Variants in FAM186A observed in about 807,000 individuals in gnomAD.
The protein encoded by FAM186A is protein FAM186A.
Under a neutral mutation model 216.8 loss-of-function variants are expected in FAM186A, and 163 were observed. That is an observed-to-expected ratio of 0.75 (90% CI 0.66 to 0.86). FAM186A has a LOEUF of 0.86. FAM186A is among the 40% of genes least tolerant of loss of function. The pLI is 0.00. For missense variants in FAM186A, 2,184 were observed against 2,746.2 expected (o/e 0.80, Z 4.58); for synonymous variants, 805 against 1,025.3 (o/e 0.79, Z 4.10).
chr12:50,396,314 T>A lies in FAM186A; in HGVS notation c.171A>T (p.Ala57=), dbSNP rs959138648. Residue 57 remains alanine, a synonymous_variant, in exon 1 of 8, where the codon GCA becomes GCT. Transcript: ENST00000327337. ...CTACCTCTCTGGCTCGATGGAGCTG[T>A]GCGCGCTCAATCCTAGAGATGATAT... is the stretch of plus-strand genomic sequence containing the variant. ...VKDIISRIER[A]QLHRAREDID... The A allele has an allele frequency of 6.5e-7, 1 of 1,550,232 alleles. No homozygotes were observed. The highest frequency in any genetic ancestry group is 8.7e-7 in the Non-Finnish European group (1 of 1,146,634).
intron 3 of FAM186A, 73 bp downstream of exon 3, chr12:50,360,683 A>AG (rs1943023922): frequency 2.2e-6 from 3 of 1,383,366 alleles, no homozygotes; most frequent in Non-Finnish European, 2.9e-6. Flanking sequence ...AGACTGAAAA[A>AG]AAAAAAAGTT....
chr12:50,360,800 C>A lies in FAM186A; in HGVS notation c.539G>T (p.Ser180Ile). 1 of 1,546,152 alleles carries A rather than the reference C, an allele frequency of 6.5e-7. No homozygotes were observed. The highest frequency in any genetic ancestry group is 8.7e-7 in the Non-Finnish European group (1 of 1,145,320). Residue 180 changes from serine (S) to isoleucine (I), a missense_variant, in exon 3 of 8, where the codon AGT (serine) becomes ATT (isoleucine). Transcript: ENST00000327337. ...ENNVKILSRF[S>I]TSFLDEKKKQ... ...CTTCTTTTCGTCGAGGAAAGATGTA[C>A]TAAATCTGCTTAGTATCTTGACATT... is the stretch of plus-strand genomic sequence containing the variant.
intron 1 of FAM186A, among the ~76,000 whole-genome samples, chr12:50,374,297 A>G (rs1943177200): frequency 6.6e-6 from 1 of 152,052 alleles, no homozygotes; most frequent in Non-Finnish European, 1.5e-5. Flanking sequence ...AACTTAAAGT[A>G]TAATAATAAT....
intron 4 of FAM186A, among the ~76,000 whole-genome samples, chr12:50,348,860 TTTTG>T (rs1303837832): frequency 5.9e-5 from 9 of 152,274 alleles, no homozygotes; most frequent in Middle Eastern, 3.4e-3. Context: ...GTGGCCATTT[TTTTG>T]TTTGTTTTTC....
At chr12:50,375,435 G>T (rs951644871) in intron 1 of FAM186A, among the ~76,000 whole-genome samples, 1 of 151,168 alleles carries the variant, frequency 6.6e-6, no homozygotes, top group Middle Eastern at 3.2e-3. Context: ...TATAATCCCA[G>T]CTACTTAGGA....
At chr12:50,327,449 A>G in intron 7 of FAM186A, 45 bp from the exon 8 acceptor site, 1 of 1,489,786 alleles carries the variant, frequency 6.7e-7, no homozygotes, top group Non-Finnish European at 9.1e-7. Flanking sequence ...AATTGCTTTA[A>G]ACACATTTGT....
chr12:50,355,296 A>G lies in FAM186A; in HGVS notation c.1536T>C (p.Asp512=), dbSNP rs1942962178. ...KRKEMKSFSE[D]KSKSPTEAKR... ...TTGCTTCAGTGGGTGACTTTGATTT[A>G]TCTTCAGAAAAGGATTTCATTTCTT... The change falls in exon 4 of 8, where the codon GAT becomes GAC. Residue 512 remains aspartate (D), a synonymous_variant. Transcript: ENST00000327337. The G allele has an allele frequency of 6.4e-7, 1 of 1,550,942 alleles. No homozygotes were observed.
In FAM186A at chr12:50,391,491, T is replaced by A. The variant is rs534857388; in HGVS notation, c.192+4802A>T. Among the ~76,000 whole-genome samples, 6 of 151,278 alleles carry A rather than the reference T, an allele frequency of 4.0e-5. No individual in the cohort carries two copies. In the South Asian group the frequency reaches 8.4e-4, roughly 21 times the overall value. The stretch of plus-strand genomic sequence containing the variant: ...CCACCATGCCCGGCTAATTTTTGTG[T>A]TTTTAGTAGATATGGGGTTTTACCA... On this transcript the variant is annotated intron_variant, in intron 1 of 7. Coordinates refer to ENST00000327337, the MANE Select transcript of FAM186A (RefSeq NM_001145475.3).
chr12:50,333,222 A>G (rs1365863210), intron 5 of FAM186A, among the ~76,000 whole-genome samples: 5 of 152,052 alleles, frequency 3.3e-5, no homozygotes, highest in African/African-American at 4.8e-5. Context: ...CTAGAACCAC[A>G]GCTTGTAATA....
In FAM186A at chr12:50,330,616, C is replaced by T; in HGVS notation, c.6991G>A (p.Val2331Met). The stretch of plus-strand genomic sequence containing the variant: ...AGAGATTTTCGGAAGGTAGACTGCA[C>T]TTCTAACTGAAGCAGCCTGGGAATA... ...PDIPRLLQLEVQSTFRKSLAS... is the reference protein window; with the variant it reads ...PDIPRLLQLEMQSTFRKSLAS... Residue 2331 changes from valine (V) to methionine (M), a missense_variant, in exon 7 of 8, where the codon GTG (valine) becomes ATG (methionine). Physicochemically the swap from Val to Met is conservative, Grantham distance 21. Coordinates refer to ENST00000327337, the MANE Select transcript of FAM186A (RefSeq NM_001145475.3). 1 of 1,550,842 alleles carries T rather than the reference C, an allele frequency of 6.4e-7. No individual in the cohort carries two copies. The highest frequency in any genetic ancestry group is 1.2e-5 in the South Asian group (1 of 83,682).
chr12:50,394,234 T>A (rs887024748), intron 1 of FAM186A, among the ~76,000 whole-genome samples: 2 of 152,096 alleles, frequency 1.3e-5, no homozygotes, highest in African/African-American at 4.8e-5. Context: ...AGCACTCTGT[T>A]TTTTTGTTTT....
rs200575618 is a variant in FAM186A, at chr12:50,351,937, G to T, written c.4895C>A (p.Ala1632Glu). The T allele has an allele frequency of 6.6e-7, 1 of 1,522,616 alleles. No homozygotes were observed. The highest frequency in any genetic ancestry group is 1.2e-5 in the South Asian group (1 of 82,398). 94.3% of individuals were successfully genotyped at this position (1,522,616 alleles called of 1,614,324 possible). A position where few individuals can be genotyped will look rare whatever the true frequency, so the allele number is the denominator to read the frequency against. Residue 1632 changes from alanine to glutamate, a missense_variant, in exon 4 of 8, where the codon GCG becomes GAG. Coordinates refer to ENST00000327337, the MANE Select transcript of FAM186A (RefSeq NM_001145475.3). ...GGTGAGAGTGATCCCCTGAGCCTGC[G>T]CCTGCTGAGGGGTGAGAGAGATCCC... ...ALGISLTPQQ[A>E]QAQGITLTPQ...
At chr12:50,339,607 C>T (rs982705838) in intron 4 of FAM186A, among the ~76,000 whole-genome samples, 2 of 152,068 alleles carry the variant, frequency 1.3e-5, no homozygotes, top group African/African-American at 2.4e-5. Context: ...CTATTAAGTA[C>T]GGAATTAAAT....
At chr12:50,346,997 C>CA (rs58421325) in intron 4 of FAM186A, among the ~76,000 whole-genome samples, 18 of 131,762 alleles carry the variant, frequency 1.4e-4, no homozygotes, top group African/African-American at 2.9e-4. Flanking sequence ...GACTCTGTCT[C>CA]AAAAAAAAAA....
intron 4 of FAM186A, among the ~76,000 whole-genome samples, chr12:50,335,170 T>G (rs1191074086): frequency 6.6e-6 from 1 of 152,104 alleles, no homozygotes; most frequent in African/African-American, 2.4e-5. Flanking sequence ...GGTGAGAGGC[T>G]TGCTTGAGCC....
rs190772860 is a variant in FAM186A, at chr12:50,395,126, G to A, written c.192+1167C>T. On this transcript the variant is annotated intron_variant, in intron 1 of 7. Coordinates refer to ENST00000327337, the MANE Select transcript of FAM186A (RefSeq NM_001145475.3). ...TTGTTTGTTTTTGAGACAGGGTCTC[G>A]CTATGTCACCCATGCTGAGTGGGGT... Among the ~76,000 whole-genome samples the A allele has an allele frequency of 2.6e-4, 39 of 152,186 alleles. 1 individual carries two copies. In the South Asian group the frequency reaches 5.8e-3, roughly 23 times the overall value.
chr12:50,378,560 ATATATATATATATACACATATGTAAATTG>A lies in FAM186A; in HGVS notation c.193-15225_193-15197del, dbSNP rs1555218520. ...ATATATATACATATATGTAAATTGT[ATATATATATATATACACATATGTAAATTG>A]TATATATATATATACACATATGTAA... On this transcript the variant is annotated intron_variant, in intron 1 of 7. Coordinates refer to ENST00000327337, the MANE Select transcript of FAM186A (RefSeq NM_001145475.3). Among the ~76,000 whole-genome samples the A allele has an allele frequency of 3.9e-4, 41 of 104,892 alleles. No individual in the cohort carries two copies. In the South Asian group the frequency reaches 5.9e-3, roughly 15 times the overall value. The allele number at this position is 104,892 out of a possible 152,430, so 68.8% of individuals were successfully genotyped here. A position where few individuals can be genotyped will look rare whatever the true frequency, so the allele number is the denominator to read the frequency against.
Position 50,363,184 on chromosome 12 carries a change from TTTCTC to T in FAM186A, c.368_372del (p.Arg123LysfsTer15). On this transcript the variant is annotated frameshift_variant, in exon 2 of 8. Coordinates refer to ENST00000327337, the MANE Select transcript of FAM186A (RefSeq NM_001145475.3). LOFTEE classifies it high-confidence loss of function. Reference sequence around the variant, plus strand: ...CAGGCCAGAATGTTGGCAAGAGTCTTTTCTCTTATTTCAATAGTCTTAGCGTAAGT... The same window carrying T: ...CAGGCCAGAATGTTGGCAAGAGTCTTTTATTTCAATAGTCTTAGCGTAAGT... The T allele has an allele frequency of 3.9e-6, 6 of 1,551,136 alleles. No homozygotes were observed. Among genetic ancestry groups the T allele is most frequent in the Non-Finnish European group, 5.2e-6 (6 of 1,146,836 alleles).
chr12:50,364,067 T>A (rs1404797320), intron 1 of FAM186A, among the ~76,000 whole-genome samples: 2 of 152,318 alleles, frequency 1.3e-5, no homozygotes, highest in Non-Finnish European at 2.9e-5. Context: ...TCATAATAAT[T>A]GTGAGGATGG....
Sources: allele counts gnomAD v4.1 joint callset (sites outside exome capture counted in the v4.1 genomes callset), GRCh38; gene constraint gnomAD v4.1.1; transcripts MANE v1.5; gene names NCBI Gene and HGNC (gene_info 2026-07-23, HGNC 2026-07-21).